GLRA2: variants seen among roughly 807,000 people sequenced by gnomAD.
GLRA2 encodes glycine receptor alpha 2, also known as glycine receptor subunit alpha-2.
GLRA2 carries 11 observed loss-of-function variants against 31.6 expected under a neutral mutation model. The observed-to-expected ratio is 0.35, with a 90% confidence interval of 0.22 to 0.58. GLRA2 has a LOEUF of 0.58. Ranked by LOEUF, GLRA2 falls within the 20% of genes least tolerant of loss-of-function variation. GLRA2 has a pLI of 0.84. For missense variants in GLRA2, 212 were observed against 351.8 expected (o/e 0.60, Z 3.18); for synonymous variants, 132 against 134.0 (o/e 0.99, Z 0.10).
chrX:14,661,378 G>A (rs773663874), intron 7 of GLRA2, among the ~76,000 whole-genome samples: 2 of 111,388 alleles, frequency 1.8e-5, no homozygotes, highest in African/African-American at 3.3e-5. Flanking sequence ...AGTTATTCTT[G>A]CTTTAAGAGG....
At chrX:14,663,117 T>A (rs2091007590) in intron 7 of GLRA2, among the ~76,000 whole-genome samples, 1 of 111,482 alleles carries the variant, frequency 9.0e-6, no homozygotes, top group Non-Finnish European at 1.9e-5. Context: ...TTAGTTATTT[T>A]TCCTAAGTGC....
At chrX:14,467,739 A>C in the GLRA2 span, among the ~76,000 whole-genome samples, 1 of 111,439 alleles carries the variant, frequency 9.0e-6, no homozygotes, top group African/African-American at 3.3e-5. Flanking sequence ...TCCAGTTCCC[A>C]GATGAGTAGT....
chrX:14,585,355 T>A (rs1382700303), intron 4 of GLRA2, among the ~76,000 whole-genome samples: 1 of 111,400 alleles, frequency 9.0e-6, no homozygotes, highest in African/African-American at 3.3e-5. Flanking sequence ...ATAAATTAAG[T>A]AATAGGAATA....
At chrX:14,491,874 T>C in the GLRA2 span, among the ~76,000 whole-genome samples, 1 of 111,846 alleles carries the variant, frequency 8.9e-6, no homozygotes, top group Non-Finnish European at 1.9e-5. Context: ...TTGGCAAACA[T>C]GTCGTCATAG....
At chrX:14,625,537 G>C (rs2090578843) in intron 7 of GLRA2, among the ~76,000 whole-genome samples, 1 of 111,388 alleles carries the variant, frequency 9.0e-6, no homozygotes, top group African/African-American at 3.3e-5. Flanking sequence ...TTGTAAGGCA[G>C]GCCTGGTGGT....
intron 7 of GLRA2, among the ~76,000 whole-genome samples, chrX:14,673,700 T>G (rs1225407888): frequency 8.9e-6 from 1 of 112,433 alleles, no homozygotes; most frequent in Non-Finnish European, 1.9e-5. Context: ...CCCTCTTTTA[T>G]TTCCTTGCTT....
intron 2 of GLRA2, among the ~76,000 whole-genome samples, chrX:14,535,558 A>G (rs1350775083): frequency 3.6e-5 from 4 of 112,497 alleles, no homozygotes; most frequent in Non-Finnish European, 7.5e-5. Context: ...CAGAGTTGTC[A>G]ATTGAATTTT....
At chrX:14,723,728 C>G (rs1251208410) in intron 8 of GLRA2, among the ~76,000 whole-genome samples, 2 of 111,601 alleles carry the variant, frequency 1.8e-5, no homozygotes, top group Non-Finnish European at 3.8e-5. Context: ...CCAAACCCTG[C>G]CTTCACCTCT....
the GLRA2 span, among the ~76,000 whole-genome samples, chrX:14,479,593 C>T: frequency 9.0e-6 from 1 of 111,336 alleles, no homozygotes; most frequent in South Asian, 3.8e-4. Context: ...TCCATGAGTA[C>T]CCAATGTTTA....
intron 7 of GLRA2, among the ~76,000 whole-genome samples, chrX:14,622,529 T>C (rs950090786): frequency 1.8e-5 from 2 of 112,174 alleles, no homozygotes; most frequent in Non-Finnish European, 3.8e-5. Flanking sequence ...TTGATTTTTG[T>C]ATAAGGTGTA....
intron 7 of GLRA2, among the ~76,000 whole-genome samples, chrX:14,681,891 CAAAAAA>C (rs1157722406): frequency 7.5e-5 from 2 of 26,687 alleles, no homozygotes; most frequent in Non-Finnish European, 1.6e-4. Context: ...GACACCATCT[CAAAAAA>C]AAAAAAAAAA....
chrX:14,599,830 C>T (rs1373094752), intron 4 of GLRA2, among the ~76,000 whole-genome samples: 2 of 111,302 alleles, frequency 1.8e-5, no homozygotes, highest in Non-Finnish European at 3.8e-5. Context: ...AAATAAGTAG[C>T]GGGAAAAACC....
the GLRA2 span, among the ~76,000 whole-genome samples, chrX:14,464,161 T>C: frequency 8.9e-6 from 1 of 112,630 alleles, no homozygotes; most frequent in South Asian, 3.7e-4. Context: ...ATGATTGTTT[T>C]CTTTGATGTG....
chrX:14,517,211 T>C, the GLRA2 span, among the ~76,000 whole-genome samples: 2 of 112,168 alleles, frequency 1.8e-5, no homozygotes, highest in Non-Finnish European at 3.8e-5. Flanking sequence ...TCATATATAA[T>C]CTATGCACAT....
intron 2 of GLRA2, among the ~76,000 whole-genome samples, chrX:14,569,126 G>A (rs973534134): frequency 6.3e-5 from 7 of 110,237 alleles, no homozygotes; most frequent in African/African-American, 2.3e-4. Flanking sequence ...ATGATGGTGG[G>A]TGCCTGTAAT....
chrX:14,691,306 TGTGTGTGTGTGTGTGTGTGC>T (rs1446599899), intron 8 of GLRA2, among the ~76,000 whole-genome samples: 15 of 104,959 alleles, frequency 1.4e-4, no homozygotes, highest in African/African-American at 5.2e-4. Context: ...TGTGTGTGTG[TGTGTGTGTGTGTGTGTGTGC>T]GCGCGTGCGT....
chrX:14,626,291 T>C (rs1384853915), intron 7 of GLRA2, among the ~76,000 whole-genome samples: 1 of 112,263 alleles, frequency 8.9e-6, no homozygotes, highest in Non-Finnish European at 1.9e-5. Context: ...TCCCATCACA[T>C]TGTCCATACT....
the GLRA2 span, among the ~76,000 whole-genome samples, chrX:14,502,477 TTGAG>T: frequency 5.4e-5 from 6 of 111,849 alleles, no homozygotes; most frequent in Admixed American, 9.5e-5. Context: ...CAGGTATTTA[TTGAG>T]TATTTACTGT....
At chrX:14,600,249 A>G (rs1258787868) in intron 4 of GLRA2, among the ~76,000 whole-genome samples, 4 of 111,424 alleles carry the variant, frequency 3.6e-5, no homozygotes, top group African/African-American at 1.3e-4. Flanking sequence ...AAGAAATGTG[A>G]AAAGGTCATT....
Sources: gnomAD v4.1 joint callset for allele counts (sites outside exome capture counted in the v4.1 genomes callset) on GRCh38, gnomAD v4.1.1 for gene constraint, MANE v1.5 for transcripts, NCBI Gene and HGNC (gene_info 2026-07-23, HGNC 2026-07-21) for gene names.